ESPNL: variants seen among roughly 807,000 people sequenced by gnomAD.
ESPNL encodes the protein espin-like protein.
Under a neutral mutation model 46.8 loss-of-function variants are expected in ESPNL, and 49 were observed. The observed-to-expected ratio is 1.05, with a 90% CI of 0.83 to 1.33. ESPNL has a LOEUF of 1.33. ESPNL is among the 40% of genes most tolerant of loss of function. The pLI is 0.00. For missense variants in ESPNL, 1,540 were observed against 1,436.6 expected, an observed-to-expected ratio of 1.07 and a Z score of -1.16; for synonymous variants, 664 against 662.1, an observed-to-expected ratio of 1.00 and a Z score of -0.04.
intron 1 of ESPNL, 62 bp from the exon 2 acceptor site, chr2:238,101,879 C>T (rs927715712): frequency 2.3e-5 from 30 of 1,322,898 alleles, no homozygotes; most frequent in Admixed American, 3.9e-5. Flanking sequence ...GGCCCACCTC[C>T]GGCAGCTGGC....
At position 238,130,258 on chromosome 2, in the gene ESPNL, C is replaced by T. The variant is rs758598456; in HGVS notation, c.1544C>T (p.Ala515Val). The change falls in exon 9 of 9, where the codon GCA becomes GTA. Residue 515 changes from alanine (A) to valine (V), a missense_variant. Coordinates refer to ENST00000343063, the MANE Select transcript of ESPNL (RefSeq NM_194312.4). ...DDLVYLEKQI[A>V]DLQLRRRCQE... ...CTGGTCTACCTGGAGAAGCAGATTG[C>T]AGACCTGCAGCTTCGGCGCCGCTGT... The T allele has an allele frequency of 1.2e-6, 2 of 1,609,984 alleles. No homozygotes were observed. Among genetic ancestry groups the T allele is most frequent in the South Asian group, 2.2e-5 (2 of 90,452 alleles).
chr2:238,123,479 C>G (rs1327962962), intron 5 of ESPNL, among the ~76,000 whole-genome samples: 1 of 152,152 alleles, frequency 6.6e-6, no homozygotes, highest in Non-Finnish European at 1.5e-5. Flanking sequence ...TGGGTGGTCT[C>G]TCTTCTCATG....
chr2:238,124,497 G>A (rs530213840), intron 5 of ESPNL, among the ~76,000 whole-genome samples: 8 of 152,328 alleles, frequency 5.3e-5, no homozygotes, highest in East Asian at 3.9e-4. Context: ...AGTTCCAGGC[G>A]GACCACAGCA....
In ESPNL at chr2:238,100,636, C is replaced by T; in HGVS notation, c.217C>T (p.Pro73Ser). 1 of 1,463,954 alleles carries T rather than the reference C, an allele frequency of 6.8e-7. No homozygotes were observed. The highest frequency in any genetic ancestry group is 9.0e-7 in the Non-Finnish European group (1 of 1,113,732). 90.7% of individuals were successfully genotyped at this position (1,463,954 alleles called of 1,614,324 possible). A position where few individuals can be genotyped will look rare whatever the true frequency, so the allele number is the denominator to read the frequency against. ...GNQRAHNGAT[P>S]AHDAAATGSL... ...CCAGCGGGCCCACAACGGGGCCACC[C>T]CAGCGCATGACGCCGCTGCCACGGG... Residue 73 changes from proline to serine, a missense_variant, in exon 1 of 9, where the codon CCA becomes TCA. Coordinates refer to ENST00000343063, the MANE Select transcript of ESPNL (RefSeq NM_194312.4).
intron 7 of ESPNL, among the ~76,000 whole-genome samples, chr2:238,128,364 G>A (rs1044088616): frequency 7.9e-5 from 12 of 152,366 alleles, no homozygotes; most frequent in African/African-American, 2.2e-4. Context: ...CTTTGTCTAT[G>A]TAGCTGTGCC....
At chr2:238,109,203 T>C (rs1401222865) in intron 4 of ESPNL, among the ~76,000 whole-genome samples, 5 of 152,132 alleles carry the variant, frequency 3.3e-5, no homozygotes, top group African/African-American at 1.2e-4. Context: ...AAGGGGTAAG[T>C]GGCCCCTGGC....
rs921188226 is a variant in ESPNL, at chr2:238,130,857, G to A, written c.2143G>A (p.Gly715Ser). 3 of 1,554,066 alleles carry A rather than the reference G, an allele frequency of 1.9e-6. No individual in the cohort carries two copies. Among genetic ancestry groups the A allele is most frequent in the Non-Finnish European group, 2.6e-6 (3 of 1,150,664 alleles). ...PGDTEEASDS[G>S]ISCEEVPSEA... The stretch of plus-strand genomic sequence containing the variant: ...CGACACAGAGGAGGCCAGCGACTCT[G>A]GCATCAGCTGCGAGGAGGTGCCATC... The change falls in exon 9 of 9, where the codon GGC becomes AGC. Residue 715 changes from glycine (G) to serine (S), a missense_variant. Physicochemically the swap from Gly to Ser is moderately conservative, Grantham distance 56. Transcript: ENST00000343063.
At chr2:238,110,976 G>T (rs1330199314) in intron 4 of ESPNL, among the ~76,000 whole-genome samples, 1 of 123,802 alleles carries the variant, frequency 8.1e-6, no homozygotes, top group South Asian at 2.5e-4. Context: ...TTTTTGAGAC[G>T]GAGTCTCACT....
rs1048094867 is a variant in ESPNL, at chr2:238,114,414, G to A, written c.856-2489G>A. Among the ~76,000 whole-genome samples the A allele has an allele frequency of 3.3e-5, 5 of 151,980 alleles. No homozygotes were observed. Among genetic ancestry groups the A allele is most frequent in the South Asian group, 2.1e-4 (1 of 4,800 alleles). On this transcript the variant is annotated intron_variant, in intron 4 of 8. Coordinates refer to ENST00000343063, the MANE Select transcript of ESPNL (RefSeq NM_194312.4). This position sits in a 1 kb window ranked among gnomAD's most constrained non-coding sequence, Gnocchi z 5.0. ...AGCAACAGCTCCTTGGGGACGCTCC[G>A]CCTCCACCCACCCACACACCCACCG...
intron 4 of ESPNL, among the ~76,000 whole-genome samples, chr2:238,111,745 G>A (rs541263679): frequency 1.4e-4 from 22 of 152,098 alleles, no homozygotes; most frequent in Non-Finnish European, 2.9e-4. Flanking sequence ...CATGAACAGG[G>A]GTGTGTAAAT....
rs1404260095 is a variant in ESPNL, at chr2:238,104,231, G to A, written c.486-425G>A. Among the ~76,000 whole-genome samples, 3 of 152,102 alleles carry A rather than the reference G, an allele frequency of 2.0e-5. No individual in the cohort carries two copies. In the East Asian group the frequency reaches 5.8e-4, roughly 29 times the overall value. ...CCGGTGACTTTGGCCCTGCCTCCAC[G>A]CCGCCACTGTGACCCCAGCCCAGCC... On this transcript the variant is annotated intron_variant, in intron 2 of 8. Transcript: ENST00000343063.
chr2:238,106,360 C>T (rs1359080612), intron 3 of ESPNL, among the ~76,000 whole-genome samples: 2 of 152,156 alleles, frequency 1.3e-5, no homozygotes, highest in Non-Finnish European at 2.9e-5. Flanking sequence ...CTCGGGATGG[C>T]GCTGGCCTGC....
At position 238,107,777 on chromosome 2, in the gene ESPNL, C is replaced by T. The variant is rs1477481583; in HGVS notation, c.673-14C>T. The T allele has an allele frequency of 7.7e-6, 12 of 1,563,428 alleles. No individual in the cohort carries two copies. The highest frequency in any genetic ancestry group is 1.0e-5 in the Non-Finnish European group (12 of 1,153,102). ...CTGGGAGGATGGCTGCTCCCTCTGC[C>T]CCTCCTTCCCCAGGTCACATTCACC... is the stretch of plus-strand genomic sequence containing the variant. On this transcript the variant is annotated splice_polypyrimidine_tract_variant and intron_variant, in intron 3 of 8. Transcript: ENST00000343063.
At chr2:238,113,513 G>A (rs1479015556) in intron 4 of ESPNL, among the ~76,000 whole-genome samples, 1 of 152,150 alleles carries the variant, frequency 6.6e-6, no homozygotes, top group Admixed American at 6.5e-5. Flanking sequence ...TCTGGTTCTT[G>A]TTCATGGTAT....
At chr2:238,101,837 C>A in intron 1 of ESPNL, 104 bp from the exon 2 acceptor site, 1 of 788,470 alleles carries the variant, frequency 1.3e-6, no homozygotes, top group Non-Finnish European at 2.0e-6. Flanking sequence ...AGCCCCTTCA[C>A]TGGGTTGCAG....
At chr2:238,112,206 A>ATTT (rs1351053706) in intron 4 of ESPNL, among the ~76,000 whole-genome samples, 4 of 148,976 alleles carry the variant, frequency 2.7e-5, no homozygotes, top group African/African-American at 1.0e-4. Context: ...AGGGCTTTCT[A>ATTT]TTTTTTATGT....
intron 6 of ESPNL, 59 bp from the exon 7 acceptor site, chr2:238,127,563 T>C: frequency 2.0e-6 from 3 of 1,514,176 alleles, no homozygotes; most frequent in South Asian, 2.5e-5. Context: ...TCCCCGAGGC[T>C]CTGGGTCTCT....
Position 238,104,725 on chromosome 2 carries a change from C to T in ESPNL, c.555C>T (p.His185=), listed in dbSNP as rs763989830. 26 of 1,608,412 alleles carry T rather than the reference C, an allele frequency of 1.6e-5. No individual in the cohort carries two copies. The highest frequency in any genetic ancestry group is 1.9e-5 in the Non-Finnish European group (22 of 1,178,588). ...TGGCCTGCCAGGAGGGCCACCTGCA[C>T]CTGGCCCAGTTCCTGGTGAAGGACT... ...LYLACQEGHL[H]LAQFLVKDCG... Residue 185 remains histidine, a synonymous_variant, in exon 3 of 9, where the codon CAC becomes CAT. Transcript: ENST00000343063.
In ESPNL at chr2:238,118,428, G is replaced by A. The variant is rs566908871; in HGVS notation, c.987+1394G>A. On this transcript the variant is annotated intron_variant, in intron 5 of 8. Coordinates refer to ENST00000343063, the MANE Select transcript of ESPNL (RefSeq NM_194312.4). The stretch of plus-strand genomic sequence containing the variant: ...GGTGGACGGAGGAGGGTGGATGGAG[G>A]AGGAATGGATGGAAGAGGTGGATGG... Among the ~76,000 whole-genome samples, 279 of 116,406 alleles carry A rather than the reference G, an allele frequency of 2.4e-3. 30 individuals are homozygous for A. The highest frequency in any genetic ancestry group is 9.0e-3 in the East Asian group (23 of 2,556). The allele number at this position is 116,406 out of a possible 152,430, so 76.4% of individuals were successfully genotyped here. A position where few individuals can be genotyped will look rare whatever the true frequency, so the allele number is the denominator to read the frequency against.
Sources: gnomAD v4.1 joint callset for allele counts (sites outside exome capture counted in the v4.1 genomes callset) on GRCh38, gnomAD v4.1.1 for gene constraint, Gnocchi (gnomAD v3.1) non-coding constraint, MANE v1.5 for transcripts, NCBI Gene and HGNC (gene_info 2026-07-23, HGNC 2026-07-21) for gene names.